PRKCB: variants seen among roughly 807,000 people sequenced by gnomAD.
PRKCB encodes the protein protein kinase C beta type.
PRKCB carries 13 observed loss-of-function variants against 81.5 expected under a neutral mutation model. That is an observed-to-expected ratio of 0.16 (90% CI 0.10 to 0.25). The LOEUF (loss-of-function observed/expected upper bound fraction) is 0.25, where lower values mean the gene tolerates loss of function less well. PRKCB is among the 10% of genes least tolerant of loss of function. The pLI is 1.00. For missense variants in PRKCB, 509 were observed against 875.7 expected (o/e 0.58, Z 5.29); for synonymous variants, 335 against 321.4 (o/e 1.04, Z -0.45).
At chr16:24,193,745 G>A in intron 16 of PRKCB, among the ~76,000 whole-genome samples, 1 of 152,070 alleles carries the variant, frequency 6.6e-6, no homozygotes, top group East Asian at 1.9e-4. Context: ...TGAGGGAAGA[G>A]GGCTGGTGAG....
chr16:23,898,224 C>A (rs1056693806), intron 2 of PRKCB, among the ~76,000 whole-genome samples: 7 of 152,134 alleles, frequency 4.6e-5, no homozygotes, highest in Admixed American at 2.0e-4. Flanking sequence ...CACCACCACA[C>A]CTCGCTAATT....
chr16:23,917,369 G>T (rs1351662669), intron 2 of PRKCB, among the ~76,000 whole-genome samples: 1 of 152,292 alleles, frequency 6.6e-6, no homozygotes, highest in Non-Finnish European at 1.5e-5. Flanking sequence ...GAGCCACCAC[G>T]CCCGGCCACC....
intron 15 of PRKCB, among the ~76,000 whole-genome samples, chr16:24,189,220 C>T (rs1055101953): frequency 1.8e-4 from 27 of 152,220 alleles, no homozygotes; most frequent in Admixed American, 5.2e-4. Flanking sequence ...CTACCACTTC[C>T]TCTCTGGAGT....
At chr16:23,863,135 C>T (rs1189738166) in intron 2 of PRKCB, among the ~76,000 whole-genome samples, 4 of 144,350 alleles carry the variant, frequency 2.8e-5, no homozygotes, top group African/African-American at 7.6e-5. Flanking sequence ...CATATATATG[C>T]ATGTGTATGT....
intron 2 of PRKCB, among the ~76,000 whole-genome samples, chr16:23,978,933 C>T (rs931212033): frequency 7.2e-5 from 11 of 152,252 alleles, no homozygotes; most frequent in Middle Eastern, 3.4e-3. Context: ...CCACACTGGG[C>T]GCTGCAGATT....
At chr16:24,067,654 A>T (rs1567362726) in intron 5 of PRKCB, among the ~76,000 whole-genome samples, 1 of 152,168 alleles carries the variant, frequency 6.6e-6, no homozygotes, top group African/African-American at 2.4e-5. Context: ...TTTGAATTTC[A>T]GATGATTCCT....
chr16:23,975,529 A>G (rs1964613932), intron 2 of PRKCB, among the ~76,000 whole-genome samples: 1 of 152,200 alleles, frequency 6.6e-6, no homozygotes, highest in Non-Finnish European at 1.5e-5. Flanking sequence ...GGCACAGTAG[A>G]CCTGTCAAAC....
chr16:23,850,496 G>A (rs998041294), intron 2 of PRKCB, among the ~76,000 whole-genome samples: 11 of 152,106 alleles, frequency 7.2e-5, no homozygotes, highest in Admixed American at 7.2e-4. Flanking sequence ...CTCCCAAGCA[G>A]CTGGGATTAC....
intron 2 of PRKCB, among the ~76,000 whole-genome samples, chr16:23,949,591 G>A (rs1416729974): frequency 6.6e-6 from 1 of 152,020 alleles, no homozygotes; most frequent in Non-Finnish European, 1.5e-5. Context: ...AGCACCTATT[G>A]TTAACAATTC....
chr16:24,147,063 C>T (rs903217754), intron 9 of PRKCB, among the ~76,000 whole-genome samples: 1 of 152,076 alleles, frequency 6.6e-6, no homozygotes, highest in Admixed American at 6.6e-5. Flanking sequence ...AATCCCAGCA[C>T]TTTGGGAGGC....
At chr16:23,954,474 C>T (rs1280125733) in intron 2 of PRKCB, among the ~76,000 whole-genome samples, 2 of 152,184 alleles carry the variant, frequency 1.3e-5, no homozygotes, top group African/African-American at 2.4e-5. Context: ...AGAGCCATGG[C>T]TAGTCATTTC....
At chr16:24,153,988 A>G in intron 9 of PRKCB, among the ~76,000 whole-genome samples, 1 of 152,256 alleles carries the variant, frequency 6.6e-6, no homozygotes, top group African/African-American at 2.4e-5. Flanking sequence ...TCATTCAACA[A>G]ACATTTATTG....
At chr16:24,010,246 T>A (rs1965184527) in intron 3 of PRKCB, among the ~76,000 whole-genome samples, 1 of 152,206 alleles carries the variant, frequency 6.6e-6, no homozygotes, top group Non-Finnish European at 1.5e-5. Flanking sequence ...GGCACTCAGC[T>A]CCGTTTCCTA....
intron 7 of PRKCB, among the ~76,000 whole-genome samples, chr16:24,096,666 A>AAAAAAAAAAAAAAAATAT (rs1406204037): frequency 9.2e-5 from 3 of 32,710 alleles, no homozygotes; most frequent in African/African-American, 1.9e-4. Context: ...AAAAAAAAAA[A>AAAAAAAAAAAAAAAATAT]ATATATATAT....
At chr16:24,142,376 G>A (rs535977818) in intron 9 of PRKCB, among the ~76,000 whole-genome samples, 7 of 152,092 alleles carry the variant, frequency 4.6e-5, no homozygotes, top group Non-Finnish European at 5.9e-5. Context: ...GATTAGCTTC[G>A]GTGCACCAAG....
intron 2 of PRKCB, among the ~76,000 whole-genome samples, chr16:23,945,359 TCC>T (rs978527596): frequency 9.9e-5 from 15 of 152,200 alleles, no homozygotes; most frequent in African/African-American, 3.6e-4. Context: ...GTGTGATCCT[TCC>T]CCTGCCACTG....
rs193206934 is a variant in PRKCB at position 23,846,503 on chromosome 16, G to A, written c.205+9097G>A. On this transcript the variant is annotated intron_variant, in intron 2 of 16. Transcript: ENST00000643927. Reference sequence around the variant, plus strand: ...CATGTGCTTGTAGTCCCAGCTTCTCGGGAGGCTGAGGCAGGAGAATCGCTT... The same window carrying A: ...CATGTGCTTGTAGTCCCAGCTTCTCAGGAGGCTGAGGCAGGAGAATCGCTT... Among the ~76,000 whole-genome samples the A allele has an allele frequency of 9.8e-4, 148 of 151,030 alleles. 1 individual carries two copies. Among genetic ancestry groups the A allele is most frequent in the African/African-American group, 3.4e-3 (140 of 41,226 alleles).
Position 24,215,011 on chromosome 16 carries a change from CT to C in PRKCB, c.*196del. ...TATGAGATGGGATTATGCAGATGGCCTATGGAAAATGCAGCTGCATAATTAA... is the reference window on the plus strand; with the variant it reads ...TATGAGATGGGATTATGCAGATGGCCATGGAAAATGCAGCTGCATAATTAA... On this transcript the variant is annotated 3_prime_UTR_variant, in exon 17 of 17. Transcript: ENST00000643927. 2.2e-6 allele frequency: 3 copies of C among 1,374,856 alleles called. No homozygotes were observed. In the South Asian group the frequency reaches 5.5e-5, roughly 25 times the overall value. The allele number at this position is 1,374,856 out of a possible 1,614,324, so 85.2% of individuals were successfully genotyped here.
In PRKCB at chr16:24,093,001, A is replaced by C. The variant is rs3729898; in HGVS notation, c.686+54A>C. 0.014 allele frequency: 22,451 copies of C among 1,565,428 alleles called. 1,331 individuals carry two copies. In the African/African-American group the frequency reaches 0.18, roughly 13 times the overall value. ...GGTGGTGGAGGTTGGGTTATGTGCCACCTGAAATCAGGGAGTTCCTCCTCC... is the reference window on the plus strand; with the variant it reads ...GGTGGTGGAGGTTGGGTTATGTGCCCCCTGAAATCAGGGAGTTCCTCCTCC... On this transcript the variant is annotated intron_variant, in intron 6 of 16. Transcript: ENST00000643927.
Sources: allele counts gnomAD v4.1 joint callset (sites outside exome capture counted in the v4.1 genomes callset), GRCh38; gene constraint gnomAD v4.1.1; transcripts MANE v1.5; gene names NCBI Gene and HGNC (gene_info 2026-07-23, HGNC 2026-07-21).